The following CYYR1 variants were observed in gnomAD, a reference collection of about 807,000 sequenced individuals.
CYYR1 encodes cysteine and tyrosine-rich protein 1.
Under a neutral mutation model 15.2 loss-of-function variants are expected in CYYR1, and 14 were observed. The ratio of observed to expected loss-of-function variants is 0.92; its 90% CI spans 0.61 to 1.44. The LOEUF (loss-of-function observed/expected upper bound fraction) is 1.44, where lower values mean the gene tolerates loss of function less well. Among genes scored for constraint, CYYR1 ranks in the 40% most tolerant of loss-of-function variants. The probability of loss-of-function intolerance (pLI) is 0.00; values close to 1 mark genes in which losing one functional copy is unlikely to be tolerated. For synonymous variants in CYYR1, 80 were observed against 77.4 expected (o/e 1.03, Z -0.18); for missense variants, 228 against 209.5 (o/e 1.09, Z -0.54).
intron 3 of CYYR1, 70 bp downstream of exon 3, chr21:26,480,202 T>A: frequency 6.9e-7 from 1 of 1,449,434 alleles, no homozygotes; most frequent in African/African-American, 1.4e-5. Context: ...CTAGAATGTT[T>A]CCTTCTCTCT....
At chr21:26,534,952 T>C (rs1387478610) in intron 2 of CYYR1, among the ~76,000 whole-genome samples, 1 of 152,194 alleles carries the variant, frequency 6.6e-6, no homozygotes, top group Non-Finnish European at 1.5e-5. Flanking sequence ...ACTATTCCCA[T>C]TTTACAGAAT....
chr21:26,513,487 A>G (rs2065679079), intron 2 of CYYR1, among the ~76,000 whole-genome samples: 1 of 152,122 alleles, frequency 6.6e-6, no homozygotes, highest in Non-Finnish European at 1.5e-5. Flanking sequence ...TAGTGCTCCC[A>G]TAAAGCTGCT....
At chr21:26,555,268 G>A (rs1305149816) in intron 2 of CYYR1, among the ~76,000 whole-genome samples, 2 of 152,102 alleles carry the variant, frequency 1.3e-5, no homozygotes, top group African/African-American at 4.8e-5. Context: ...AGAGTTTTCA[G>A]CATTTATTTG....
At chr21:26,484,353 A>G (rs1391774857) in intron 2 of CYYR1, among the ~76,000 whole-genome samples, 2 of 152,126 alleles carry the variant, frequency 1.3e-5, no homozygotes, top group Admixed American at 6.6e-5. Context: ...TTTTCTCTCT[A>G]ACACTTTTCC....
chr21:26,514,597 C>A (rs557093032), intron 2 of CYYR1, among the ~76,000 whole-genome samples: 2 of 152,174 alleles, frequency 1.3e-5, no homozygotes, highest in African/African-American at 4.8e-5. Flanking sequence ...CTCAGCTATT[C>A]CTTTAGAGCA....
Position 26,540,283 on chromosome 21 carries a change from CAA to C in CYYR1, c.176+25981_176+25982del, listed in dbSNP as rs1345794007. ...AAGCCACCATAAATTGGAAGTGAAT[CAA>C]AACTGGGAAGAAGGAAATGGAACTG... is the stretch of plus-strand genomic sequence containing the variant. On this transcript the variant is annotated intron_variant, in intron 2 of 3. Transcript: ENST00000652641. 2.0e-5 allele frequency among the ~76,000 whole-genome samples: 3 copies of C among 152,118 alleles called. No individual in the cohort carries two copies. In the South Asian group the frequency reaches 6.2e-4, roughly 31 times the overall value.
Position 26,480,364 on chromosome 21 carries a change from G to A in CYYR1, c.242C>T (p.Ala81Val). ...VFIMGVIAGIAICICMCMKNH... is the reference protein window; with the variant it reads ...VFIMGVIAGIVICICMCMKNH... ...CTTCATGCACATGCAGATGCATATGGCAATCCCAGCAATGACCCCCATGAT... is the reference window on the plus strand; with the variant it reads ...CTTCATGCACATGCAGATGCATATGACAATCCCAGCAATGACCCCCATGAT... Residue 81 changes from alanine (A) to valine (V), a missense_variant, in exon 3 of 4, where the codon GCC becomes GTC. Transcript: ENST00000652641. The A allele has an allele frequency of 6.2e-7, 1 of 1,613,526 alleles. No individual in the cohort carries two copies. The highest frequency in any genetic ancestry group is 8.5e-7 in the Non-Finnish European group (1 of 1,179,664).
At chr21:26,564,635 T>C in intron 2 of CYYR1, 3 of 944,058 alleles carry the variant, frequency 3.2e-6, no homozygotes, top group Non-Finnish European at 3.8e-6. Flanking sequence ...GATTAATAAG[T>C]AGTTATGAGT....
At chr21:26,491,486 A>T (rs1020214555) in intron 2 of CYYR1, among the ~76,000 whole-genome samples, 2 of 152,196 alleles carry the variant, frequency 1.3e-5, no homozygotes, top group African/African-American at 4.8e-5. Context: ...ATTCAGAGCT[A>T]ATACTCTTTC....
At chr21:26,477,727 C>A (rs898731546) in intron 3 of CYYR1, 1 of 984,318 alleles carries the variant, frequency 1.0e-6, no homozygotes, top group Non-Finnish European at 1.2e-6. Flanking sequence ...ATCTGCAAAG[C>A]AATTCTTCAT....
chr21:26,541,771 A>T (rs975406738), intron 2 of CYYR1, among the ~76,000 whole-genome samples: 1 of 152,240 alleles, frequency 6.6e-6, no homozygotes, highest in African/African-American at 2.4e-5. Flanking sequence ...GAGGTAAAAG[A>T]CCTATAGGAT....
intron 2 of CYYR1, among the ~76,000 whole-genome samples, chr21:26,533,909 G>T (rs2065964621): frequency 1.3e-5 from 2 of 152,136 alleles, no homozygotes; most frequent in African/African-American, 4.8e-5. Context: ...ACAAGCTTTT[G>T]TTAGGAATTG....
rs1363020825 is a variant in CYYR1, at chr21:26,467,728, G to A, written c.*773C>T. On this transcript the variant is annotated 3_prime_UTR_variant, in exon 4 of 4. Transcript: ENST00000652641. Reference sequence around the variant, plus strand: ...CATTGAAGAGTTCTTGGCTTCAAGCGGCTGTTGAGTCTTTTTGGTCTTGTT... The same window carrying A: ...CATTGAAGAGTTCTTGGCTTCAAGCAGCTGTTGAGTCTTTTTGGTCTTGTT... 3 of 152,056 alleles carry A rather than the reference G, an allele frequency of 2.0e-5. No individual in the cohort carries two copies. Among genetic ancestry groups the A allele is most frequent in the Non-Finnish European group, 2.9e-5 (2 of 68,042 alleles). The allele number at this position is 152,056 out of a possible 1,614,324, so 9.4% of individuals were successfully genotyped here.
intron 2 of CYYR1, among the ~76,000 whole-genome samples, chr21:26,535,641 G>A (rs748094388): frequency 1.3e-5 from 2 of 151,996 alleles, no homozygotes; most frequent in Admixed American, 6.6e-5. Context: ...AAAAACTAGG[G>A]GCTCTCTCCA....
intron 2 of CYYR1, among the ~76,000 whole-genome samples, chr21:26,519,541 G>A (rs895495552): frequency 1.6e-4 from 24 of 152,312 alleles, no homozygotes; most frequent in African/African-American, 5.5e-4. Flanking sequence ...AAGGGGCCAG[G>A]TCGTGGAGTA....
intron 1 of CYYR1, among the ~76,000 whole-genome samples, chr21:26,567,126 A>G (rs1333400494): frequency 2.6e-5 from 4 of 151,952 alleles, no homozygotes; most frequent in Non-Finnish European, 4.4e-5. Context: ...TTTCAAAATG[A>G]TGTATATTTT....
rs748584453 is a variant in CYYR1 at position 26,566,323 on chromosome 21, C to T, written c.119G>A (p.Cys40Tyr). 6.2e-7 allele frequency: 1 copy of T among 1,613,906 alleles called. No individual in the cohort carries two copies. Among genetic ancestry groups the T allele is most frequent in the Middle Eastern group, 1.6e-4 (1 of 6,062 alleles). ...GCAACAGTAGGGCGTGGTTCCATCA[C>T]AGCAGTAAGATTTGCAATCTTTGCC... ...QCGKDCKSYC[C>Y]DGTTPYCCSY... Residue 40 changes from cysteine to tyrosine, a missense_variant, in exon 2 of 4, where the codon TGT becomes TAT. Cys to Tyr is a radical substitution (Grantham distance 194). Coordinates refer to ENST00000652641, the MANE Select transcript of CYYR1 (RefSeq NM_001320768.2).
At chr21:26,567,742 A>G (rs1344000070) in intron 1 of CYYR1, among the ~76,000 whole-genome samples, 3 of 152,158 alleles carry the variant, frequency 2.0e-5, no homozygotes, top group Non-Finnish European at 4.4e-5. Context: ...AATACAAAAT[A>G]TTATATTTAT....
chr21:26,534,089 T>A (rs143632424), intron 2 of CYYR1, among the ~76,000 whole-genome samples: 17 of 152,170 alleles, frequency 1.1e-4, no homozygotes, highest in African/African-American at 4.1e-4. Context: ...TCAACCAGAA[T>A]CTCATAATGG....
Sources: allele counts gnomAD v4.1 joint callset (sites outside exome capture counted in the v4.1 genomes callset), GRCh38; gene constraint gnomAD v4.1.1; transcripts MANE v1.5; gene names NCBI Gene and HGNC (gene_info 2026-07-23, HGNC 2026-07-21).